Variants in XKR9 observed in about 807,000 individuals in gnomAD.
XKR9 encodes XK related 9.
XKR9 carries 32 observed loss-of-function variants against 32.0 expected under a neutral mutation model. That is an observed-to-expected ratio of 1.00 (90% CI 0.76 to 1.34). The LOEUF (loss-of-function observed/expected upper bound fraction) is 1.34. XKR9 is among the 40% of genes most tolerant of loss of function. The pLI, the probability that XKR9 is intolerant of heterozygous loss-of-function variation, is 0.00. For synonymous variants in XKR9, 168 were observed against 143.4 expected (o/e 1.17, Z -1.22); for missense variants, 546 against 429.7 (o/e 1.27, Z -2.39).
downstream of XKR9, among the ~76,000 whole-genome samples, chr8:70,740,599 A>G (rs1167615261): frequency 6.6e-6 from 1 of 151,324 alleles, no homozygotes; most frequent in Non-Finnish European, 1.5e-5. Flanking sequence ...TTGTGGTTTT[A>G]TCTACTTTTG....
At chr8:70,938,668 G>T in the XKR9 span, among the ~76,000 whole-genome samples, 1 of 152,026 alleles carries the variant, frequency 6.6e-6, no homozygotes. Flanking sequence ...GAATCAGCAG[G>T]TTCCTGGGAT....
the XKR9 span, among the ~76,000 whole-genome samples, chr8:70,818,998 T>C: frequency 6.6e-6 from 1 of 152,212 alleles, no homozygotes; most frequent in Non-Finnish European, 1.5e-5. Context: ...CTGCACTGAG[T>C]AATCCTTTAG....
chr8:70,669,407 C>T lies in XKR9; in HGVS notation c.-492C>T, dbSNP rs1193156605. The T allele has an allele frequency of 1.3e-5, 5 of 392,180 alleles. No homozygotes were observed. In the East Asian group the frequency reaches 1.7e-4, roughly 13 times the overall value. The allele number at this position is 392,180 out of a possible 1,614,324, so 24.3% of individuals were successfully genotyped here. A position where few individuals can be genotyped will look rare whatever the true frequency, so the allele number is the denominator to read the frequency against. ...AAGGCTGGCGCGAGGCGTGAGGTGG[C>T]GTGAGGCGAAGCTGGAATCTGCCTC... On this transcript the variant is annotated 5_prime_UTR_variant, in exon 1 of 5. Transcript: ENST00000408926.
the XKR9 span, among the ~76,000 whole-genome samples, chr8:70,968,683 A>G: frequency 1.3e-5 from 2 of 151,886 alleles, no homozygotes; most frequent in African/African-American, 2.4e-5. Flanking sequence ...TTTGGCAGTC[A>G]GGCCACCATT....
chr8:70,961,520 TTTTTTGTCTA>T, the XKR9 span, among the ~76,000 whole-genome samples: 2 of 152,168 alleles, frequency 1.3e-5, no homozygotes, highest in African/African-American at 4.8e-5. Context: ...GACCAAGTCT[TTTTTTGTCTA>T]TTGCCTGAAA....
chr8:70,919,338 A>G, the XKR9 span, among the ~76,000 whole-genome samples: 1 of 152,286 alleles, frequency 6.6e-6, no homozygotes, highest in African/African-American at 2.4e-5. Flanking sequence ...TCAATAAATG[A>G]TAGTTTCTCT....
the XKR9 span, among the ~76,000 whole-genome samples, chr8:70,895,821 C>CA: frequency 0.15 from 9,591 of 63,630 alleles, 723 homozygotes; most frequent in East Asian, 0.4. Context: ...CCTACCTCTA[C>CA]AAAAAAAAAA....
At chr8:70,752,159 T>C (rs1227408663) in intron 2 of XKR9, among the ~76,000 whole-genome samples, 1 of 152,232 alleles carries the variant, frequency 6.6e-6, no homozygotes, top group Admixed American at 6.5e-5. Context: ...TGCCTTCTGT[T>C]TATAGATTTC....
intron 3 of XKR9, among the ~76,000 whole-genome samples, chr8:70,700,703 C>G (rs942315086): frequency 6.6e-6 from 1 of 152,208 alleles, no homozygotes; most frequent in Non-Finnish European, 1.5e-5. Flanking sequence ...AGAACCACTG[C>G]TCTCTTCAAA....
At chr8:70,805,041 C>A in the XKR9 span, among the ~76,000 whole-genome samples, 1 of 152,138 alleles carries the variant, frequency 6.6e-6, no homozygotes, top group East Asian at 1.9e-4. Context: ...TCAAAAAGAA[C>A]CATAATAAGC....
At chr8:70,823,427 T>G in the XKR9 span, among the ~76,000 whole-genome samples, 2 of 152,198 alleles carry the variant, frequency 1.3e-5, no homozygotes, top group Non-Finnish European at 2.9e-5. Context: ...ATTCCAATGC[T>G]CAAGGTTACT....
At chr8:70,851,466 T>A in the XKR9 span, among the ~76,000 whole-genome samples, 1 of 152,034 alleles carries the variant, frequency 6.6e-6, no homozygotes, top group South Asian at 2.1e-4. Flanking sequence ...AAAGACCCCG[T>A]ATAGCCAAGA....
At chr8:70,960,874 G>GAA in the XKR9 span, among the ~76,000 whole-genome samples, 5 of 128,480 alleles carry the variant, frequency 3.9e-5, no homozygotes, top group Admixed American at 8.1e-5. Flanking sequence ...CCTGTCTTAA[G>GAA]AAAAAAAAAA....
chr8:70,680,273 C>A (rs748344540), intron 2 of XKR9, among the ~76,000 whole-genome samples: 1 of 152,082 alleles, frequency 6.6e-6, no homozygotes, highest in Non-Finnish European at 1.5e-5. Flanking sequence ...CTAGGCCTCT[C>A]AATTGTCATT....
In XKR9 at chr8:70,685,573, T is replaced by C. The variant is rs185818365; in HGVS notation, c.272+4243T>C. 1.8e-3 allele frequency among the ~76,000 whole-genome samples: 269 copies of C among 151,608 alleles called. 2 individuals carry two copies. Among genetic ancestry groups the C allele is most frequent in the Admixed American group, 0.014 (218 of 15,214 alleles). On this transcript the variant is annotated intron_variant, in intron 3 of 4. Coordinates refer to ENST00000408926, the MANE Select transcript of XKR9 (RefSeq NM_001011720.2). The stretch of plus-strand genomic sequence containing the variant: ...GCAGCCATAAAAAATGATGAGTTCA[T>C]GTCCTTTGCAGGAACATGGATGAAA...
At chr8:70,930,242 G>T in the XKR9 span, among the ~76,000 whole-genome samples, 3 of 152,118 alleles carry the variant, frequency 2.0e-5, no homozygotes, top group African/African-American at 7.2e-5. Context: ...AGCTTTTAAT[G>T]CTCTGGTTAA....
chr8:70,702,357 T>G (rs953468239), intron 3 of XKR9, among the ~76,000 whole-genome samples: 14 of 152,180 alleles, frequency 9.2e-5, no homozygotes, highest in African/African-American at 3.4e-4. Flanking sequence ...GTAGTCTAAC[T>G]TGTTGAATAT....
the XKR9 span, among the ~76,000 whole-genome samples, chr8:71,052,227 G>T: frequency 6.6e-6 from 1 of 152,188 alleles, no homozygotes; most frequent in Non-Finnish European, 1.5e-5. Flanking sequence ...TTGTTATTGT[G>T]TTGTTTTTTC....
the XKR9 span, among the ~76,000 whole-genome samples, chr8:71,024,436 A>G: frequency 6.6e-6 from 1 of 152,094 alleles, no homozygotes; most frequent in Non-Finnish European, 1.5e-5. Flanking sequence ...GGGGGATGTC[A>G]TTGGGGCTTC....
Sources: allele counts gnomAD v4.1 joint callset (sites outside exome capture counted in the v4.1 genomes callset), GRCh38; gene constraint gnomAD v4.1.1; transcripts MANE v1.5; gene names NCBI Gene and HGNC (gene_info 2026-07-23, HGNC 2026-07-21).